TUBGCP5: variants seen among roughly 807,000 people sequenced by gnomAD.
The protein encoded by TUBGCP5 is gamma-tubulin complex component 5.
In TUBGCP5, 98 loss-of-function variants were observed where a neutral mutation model predicts 134.7. The ratio of observed to expected loss-of-function variants is 0.73; its 90% CI spans 0.62 to 0.86. The LOEUF (loss-of-function observed/expected upper bound fraction) is 0.86, where lower values mean the gene tolerates loss of function less well. Ranked by LOEUF, TUBGCP5 falls within the 40% of genes least tolerant of loss-of-function variation. The probability of loss-of-function intolerance (pLI) is 0.00; values close to 1 mark genes in which losing one functional copy is unlikely to be tolerated. For synonymous variants in TUBGCP5, 456 were observed against 431.4 expected, an observed-to-expected ratio of 1.06 and a Z score of -0.71; for missense variants, 1,150 against 1,244.8, an observed-to-expected ratio of 0.92 and a Z score of 1.15.
chr15:22,997,476 G>A (rs760331930), downstream of TUBGCP5, among the ~76,000 whole-genome samples: 7 of 151,798 alleles, frequency 4.6e-5, no homozygotes, highest in Admixed American at 2.6e-4. Context: ...CACCGTGCTC[G>A]GCCCCTTTTT....
chr15:23,001,687 T>C (rs1283180010), intron 21 of TUBGCP5, among the ~76,000 whole-genome samples: 2 of 151,640 alleles, frequency 1.3e-5, no homozygotes, highest in African/African-American at 4.8e-5. Context: ...TCAAACACTT[T>C]GTAAGAGAGA....
chr15:23,018,251 T>C (rs1956269567), intron 12 of TUBGCP5, among the ~76,000 whole-genome samples: 1 of 152,196 alleles, frequency 6.6e-6, no homozygotes, highest in South Asian at 2.1e-4. Flanking sequence ...AAAATTTAAG[T>C]AGAAATAGTT....
In TUBGCP5 at chr15:23,037,741, G is replaced by A. The variant is rs150642019; in HGVS notation, c.147-589C>T. Among the ~76,000 whole-genome samples, 129 of 152,320 alleles carry A rather than the reference G, an allele frequency of 8.5e-4. 1 individual carries two copies. Among genetic ancestry groups the A allele is most frequent in the African/African-American group, 2.8e-3 (116 of 41,568 alleles). Reference sequence around the variant, plus strand: ...AAAACAGTATGCGATTTCTACTGGTGATAAAGTCATAGGTAGGCTAATACT... The same window carrying A: ...AAAACAGTATGCGATTTCTACTGGTAATAAAGTCATAGGTAGGCTAATACT... On this transcript the variant is annotated intron_variant, in intron 1 of 22. Transcript: ENST00000615383.
rs756531735 is a variant in TUBGCP5 at position 23,019,303 on chromosome 15, G to A, written c.1403C>T (p.Thr468Met). The stretch of plus-strand genomic sequence containing the variant: ...CACCGTCTGCAGGTAAGGCCGCACC[G>A]TTTCCACCCAGAGAGAGAAAAGGAG... ...VSLLFSLWVE[T>M]VRPYLQTVDE... Residue 468 changes from threonine (T) to methionine (M), a missense_variant, in exon 12 of 23, where the codon ACG becomes ATG. This residue lies in a region of TUBGCP5 where 697 missense variants were observed against 850.1 expected (regional missense o/e 0.82). Transcript: ENST00000615383. The A allele has an allele frequency of 9.9e-6, 16 of 1,613,830 alleles. 1 individual carries two copies. The highest frequency in any genetic ancestry group is 3.3e-5 in the South Asian group (3 of 91,018).
chr15:23,007,919 T>C (rs2064819982), intron 16 of TUBGCP5, among the ~76,000 whole-genome samples: 4 of 151,916 alleles, frequency 2.6e-5, no homozygotes, highest in African/African-American at 4.8e-5. Context: ...CAGAGGTCAT[T>C]GGGGAGTTCT....
At chr15:23,004,573 T>C (rs2064592358) in intron 19 of TUBGCP5, 1 of 188,598 alleles carries the variant, frequency 5.3e-6, no homozygotes, top group Admixed American at 6.2e-5. Flanking sequence ...GTTACTTTTA[T>C]ACAAATAATT....
In TUBGCP5 at chr15:23,007,395, A is replaced by G. The variant is rs190943729; in HGVS notation, c.2328-1043T>C. Among the ~76,000 whole-genome samples, 287 of 152,284 alleles carry G rather than the reference A, an allele frequency of 1.9e-3. 1 individual carries two copies. Among genetic ancestry groups the G allele is most frequent in the Admixed American group, 4.1e-3 (62 of 15,300 alleles). On this transcript the variant is annotated intron_variant, in intron 16 of 22. Coordinates refer to ENST00000615383, the MANE Select transcript of TUBGCP5 (RefSeq NM_052903.6). ...ACAGAGCAAGACTCTGTCTCAAAAA[A>G]AAGAATTTTTAGCTCTTAATGGCCT...
At chr15:23,012,309 A>G (rs1458763519) in intron 13 of TUBGCP5, among the ~76,000 whole-genome samples, 1 of 152,168 alleles carries the variant, frequency 6.6e-6, no homozygotes, top group Admixed American at 6.5e-5. Context: ...GCATCTACTT[A>G]TTTCAAGTAG....
intron 6 of TUBGCP5, among the ~76,000 whole-genome samples, chr15:23,030,319 T>A (rs2066233256): frequency 6.6e-6 from 1 of 152,162 alleles, no homozygotes; most frequent in Non-Finnish European, 1.5e-5. Context: ...AAAGTCTGTC[T>A]GTTTCTGGGT....
rs928026429 is a variant in TUBGCP5 at position 23,009,558 on chromosome 15, G to A, written c.2144+387C>T. Among the ~76,000 whole-genome samples the A allele has an allele frequency of 3.3e-5, 5 of 152,140 alleles. No individual in the cohort carries two copies. The East Asian group carries it at 7.7e-4, about 24-fold the overall frequency. ...GCTGGGATTACAGGTGTGAGCCACC[G>A]TGCTCGGCCTAATTGCCATAATTTT... On this transcript the variant is annotated intron_variant, in intron 15 of 22. Coordinates refer to ENST00000615383, the MANE Select transcript of TUBGCP5 (RefSeq NM_052903.6).
intron 10 of TUBGCP5, chr15:23,022,940 A>T (rs2065784279): frequency 6.6e-6 from 1 of 152,266 alleles, no homozygotes; most frequent in African/African-American, 2.4e-5. Context: ...ACAGATGGCA[A>T]GAAGTGTGAG....
intron 13 of TUBGCP5, among the ~76,000 whole-genome samples, chr15:23,016,813 A>G (rs1389516153): frequency 6.6e-6 from 1 of 151,824 alleles, no homozygotes; most frequent in East Asian, 1.9e-4. Flanking sequence ...TATATGATAT[A>G]GCAATCCCAC....
At chr15:23,002,362 C>T (rs540736165) in intron 21 of TUBGCP5, among the ~76,000 whole-genome samples, 49 of 152,118 alleles carry the variant, frequency 3.2e-4, no homozygotes, top group Non-Finnish European at 6.0e-4. Flanking sequence ...ACCAAACATG[C>T]ACTTTTATTT....
chr15:23,005,885 T>C (rs2064680559), intron 18 of TUBGCP5, 167 bp downstream of exon 18: 4 of 741,512 alleles, frequency 5.4e-6, no homozygotes, highest in Non-Finnish European at 8.5e-6. Context: ...AAACTACTGC[T>C]AGAATACGCA....
chr15:22,984,628 AT>A (rs1172666016), intron 23 of TUBGCP5, among the ~76,000 whole-genome samples: 1 of 151,986 alleles, frequency 6.6e-6, no homozygotes, highest in Admixed American at 6.6e-5. Flanking sequence ...TAAAAAAAAA[AT>A]AAAAGAAACT....
chr15:23,014,326 G>A (rs1245782558), intron 13 of TUBGCP5, among the ~76,000 whole-genome samples: 6 of 152,134 alleles, frequency 3.9e-5, no homozygotes, highest in East Asian at 3.9e-4. Flanking sequence ...CTTCTTGAGC[G>A]GCCTTGCACG....
chr15:22,993,557 T>TTA (rs2063932615), intron 23 of TUBGCP5, among the ~76,000 whole-genome samples: 3 of 123,260 alleles, frequency 2.4e-5, no homozygotes, highest in African/African-American at 1.1e-4. Flanking sequence ...TTTTTTTTTT[T>TTA]AATATGAGAC....
At chr15:23,008,504 C>T (rs763110900) in intron 16 of TUBGCP5, 195 bp downstream of exon 16, 90 of 666,330 alleles carry the variant, frequency 1.4e-4, no homozygotes, top group Non-Finnish European at 2.1e-4. Flanking sequence ...GGTGATCCAC[C>T]GCCTCTGCCT....
intron 18 of TUBGCP5, 70 bp from the exon 19 acceptor site, chr15:23,005,680 T>C (rs984755860): frequency 2.7e-6 from 4 of 1,477,886 alleles, no homozygotes; most frequent in African/African-American, 2.8e-5. Context: ...CCATGACGCC[T>C]GGCAGAAACA....
Sources: allele counts gnomAD v4.1 joint callset (sites outside exome capture counted in the v4.1 genomes callset), GRCh38; gene constraint gnomAD v4.1.1; regional missense constraint gnomAD v4.1.1; transcripts MANE v1.5; gene names NCBI Gene and HGNC (gene_info 2026-07-23, HGNC 2026-07-21).